RYR1: variants seen among roughly 807,000 people sequenced by gnomAD.
RYR1 encodes central core disease of muscle.
RYR1 carries 342 observed loss-of-function variants against 583.5 expected under a neutral mutation model. The observed-to-expected ratio is 0.59, with a 90% CI of 0.54 to 0.64. The LOEUF (loss-of-function observed/expected upper bound fraction) is 0.64, where lower values mean the gene tolerates loss of function less well. RYR1 is among the 30% of genes least tolerant of loss of function. The probability of loss-of-function intolerance (pLI) is 0.00; values close to 1 mark genes in which losing one functional copy is unlikely to be tolerated. For synonymous variants in RYR1, 2,791 were observed against 2,822.5 expected, an observed-to-expected ratio of 0.99 and a Z score of 0.35; for missense variants, 6,032 against 6,917.2, an observed-to-expected ratio of 0.87 and a Z score of 4.54.
rs1196085327 is a variant in RYR1 at position 38,580,355 on chromosome 19, C to G, written c.14512-15C>G. On this transcript the variant is annotated splice_polypyrimidine_tract_variant and intron_variant, in intron 100 of 105. Coordinates refer to ENST00000359596, the MANE Select transcript of RYR1 (RefSeq NM_000540.3). Reference sequence around the variant, plus strand: ...AGCCCAGGGCGGAGCTGACCTGGCCCCATCCTGCCCCCAGCTGGTGATGAC... The same window carrying G: ...AGCCCAGGGCGGAGCTGACCTGGCCGCATCCTGCCCCCAGCTGGTGATGAC... 1 of 1,613,564 alleles carries G rather than the reference C, an allele frequency of 6.2e-7. No homozygotes were observed. Among genetic ancestry groups the G allele is most frequent in the Non-Finnish European group, 8.5e-7 (1 of 1,179,944 alleles).
intron 28 of RYR1, 97 bp from the exon 29 acceptor site, chr19:38,475,221 C>T: frequency 5.3e-6 from 8 of 1,497,416 alleles, no homozygotes; most frequent in East Asian, 2.5e-5. Flanking sequence ...GTATTAGAAG[C>T]AGGGTGTATC....
In RYR1 at chr19:38,473,424, G is replaced by C. The variant is rs767708802; in HGVS notation, c.3813G>C (p.Leu1271=). The C allele has an allele frequency of 1.9e-6, 3 of 1,613,886 alleles. No individual in the cohort carries two copies. In the East Asian group the frequency reaches 6.7e-5, roughly 36 times the overall value. Residue 1271 remains leucine (L), a synonymous_variant, in exon 28 of 106, where the codon CTG becomes CTC. Transcript: ENST00000359596. ...GTVDTPPCLR[L]THRTWGSQNS... Reference sequence around the variant, plus strand: ...TGGACACGCCCCCCTGCCTGCGCCTGACCCACCGCACCTGGGGCTCCCAGA... The same window carrying C: ...TGGACACGCCCCCCTGCCTGCGCCTCACCCACCGCACCTGGGGCTCCCAGA...
At chr19:38,439,901 A>C (rs1470892035) in intron 1 of RYR1, among the ~76,000 whole-genome samples, 1 of 152,224 alleles carries the variant, frequency 6.6e-6, no homozygotes, top group Non-Finnish European at 1.5e-5. Context: ...TAAAGATAAA[A>C]TAGCAGTCTA....
chr19:38,523,024 C>T lies in RYR1; in HGVS notation c.10260-4C>T, dbSNP rs1376923808. ...CTCCCTCACCTCCCCTCCGCTGACC[C>T]CAGGGCGCAGTGGCTGACGGAGCCG... On this transcript the variant is annotated splice_polypyrimidine_tract_variant and splice_region_variant and intron_variant, in intron 67 of 105. Coordinates refer to ENST00000359596, the MANE Select transcript of RYR1 (RefSeq NM_000540.3). 1 of 1,589,198 alleles carries T rather than the reference C, an allele frequency of 6.3e-7. No individual in the cohort carries two copies. The highest frequency in any genetic ancestry group is 1.3e-5 in the African/African-American group (1 of 74,460).
chr19:38,499,751 G>T lies in RYR1; in HGVS notation c.7144G>T (p.Glu2382Ter). 6.2e-7 allele frequency: 1 copy of T among 1,602,058 alleles called. No individual in the cohort carries two copies. The highest frequency in any genetic ancestry group is 2.2e-5 in the East Asian group (1 of 44,786). The change falls in exon 44 of 106, where the codon GAG (glutamate) becomes TAG (stop). Residue 2382 changes from glutamate (E) to a stop codon, truncating the protein, a stop_gained. Transcript: ENST00000359596. LOFTEE classifies it high-confidence loss of function. This position sits in a 1 kb window ranked among gnomAD's most constrained non-coding sequence, Gnocchi z 7.3. ...CTCAGGGCTGCTGGCTGCCATCGAA[G>T]AGGCCATCCGCATCTCCGAGGACCC... The part of the protein sequence containing the change: ...GGSGLLAAIE[E>*]AIRISEDPAR...
At position 38,494,448 on chromosome 19, in the gene RYR1, T is replaced by A. The variant is rs1384522523; in HGVS notation, c.6371T>A (p.Leu2124Gln). 6.2e-7 allele frequency: 1 copy of A among 1,612,522 alleles called. No individual in the cohort carries two copies. The highest frequency in any genetic ancestry group is 8.5e-7 in the Non-Finnish European group (1 of 1,180,028). Residue 2124 changes from leucine (L) to glutamine (Q), a missense_variant, in exon 39 of 106, where the codon CTG becomes CAG. Leu to Gln is a moderately radical substitution (Grantham distance 113, BLOSUM62 -2). Coordinates refer to ENST00000359596, the MANE Select transcript of RYR1 (RefSeq NM_000540.3). ...PELVRAMFSL[L>Q]HRQYDGLGEL... ...CTGGTGCGGGCCATGTTCAGCCTCCTGCACCGGCAGTACGACGGGCTGGGT... is the reference window on the plus strand; with the variant it reads ...CTGGTGCGGGCCATGTTCAGCCTCCAGCACCGGCAGTACGACGGGCTGGGT...
In RYR1 at chr19:38,561,446, A is replaced by G. The variant is rs1253965850; in HGVS notation, c.12616A>G (p.Met4206Val). 1 of 1,607,748 alleles carries G rather than the reference A, an allele frequency of 6.2e-7. No individual in the cohort carries two copies. The highest frequency in any genetic ancestry group is 8.5e-7 in the Non-Finnish European group (1 of 1,178,680). The stretch of plus-strand genomic sequence containing the variant: ...AGAGACCAACCGCGCCCAGTGGGAG[A>G]TGCCCCAGGTCAGGGAACCCGCGCG... ...ISETNRAQWE[M>V]PQVKESKRQF... The change falls in exon 90 of 106, where the codon ATG becomes GTG. Residue 4206 changes from methionine (M) to valine (V), a missense_variant. Coordinates refer to ENST00000359596, the MANE Select transcript of RYR1 (RefSeq NM_000540.3). This position sits in a 1 kb window ranked among gnomAD's most constrained non-coding sequence, Gnocchi z 4.8.
At position 38,444,235 on chromosome 19, in the gene RYR1, G is replaced by C; in HGVS notation, c.511G>C (p.Val171Leu). 1.2e-6 allele frequency: 2 copies of C among 1,614,050 alleles called. No homozygotes were observed. The highest frequency in any genetic ancestry group is 1.7e-6 in the Non-Finnish European group (2 of 1,179,926). Residue 171 changes from valine (V) to leucine (L), a missense_variant, in exon 6 of 106, where the codon GTC (valine) becomes CTC (leucine). By Grantham distance (32) the Val-to-Leu change is conservative (BLOSUM62 1). Transcript: ENST00000359596. This position sits in a 1 kb window ranked among gnomAD's most constrained non-coding sequence, Gnocchi z 5.1. ...CCGCGTTGGGGATGACATCATCCTT[G>C]TCAGTGTCTCCTCCGAGCGCTACCT... ...KVRVGDDIIL[V>L]SVSSERYLHL...
chr19:38,515,240 TC>T, intron 64 of RYR1, 133 bp downstream of exon 64: 2 of 762,088 alleles, frequency 2.6e-6, no homozygotes, highest in Non-Finnish European at 4.4e-6. Flanking sequence ...CAGCCGCGGT[TC>T]CCCACGGCGG....
intron 22 of RYR1, among the ~76,000 whole-genome samples, chr19:38,464,309 A>G (rs1395860778): frequency 7.9e-6 from 1 of 127,054 alleles, no homozygotes; most frequent in African/African-American, 3.0e-5. Flanking sequence ...AAAAAAAAAA[A>G]GAAGCAAACG....
At chr19:38,539,582 G>A (rs1972118296) in intron 84 of RYR1, among the ~76,000 whole-genome samples, 1 of 152,132 alleles carries the variant, frequency 6.6e-6, no homozygotes, top group Admixed American at 6.6e-5. Flanking sequence ...GATGGAATCA[G>A]TCTTTGGGTT....
In RYR1 at chr19:38,587,483, G is replaced by C; in HGVS notation, c.*63G>C. 8.2e-7 allele frequency: 1 copy of C among 1,212,154 alleles called. No homozygotes were observed. The highest frequency in any genetic ancestry group is 1.2e-5 in the South Asian group (1 of 82,510). 75.1% of individuals were successfully genotyped at this position (1,212,154 alleles called of 1,614,324 possible). ...CCTTATTCTCACAGCAAGCCCCTTAGTCCCCAAGCCCCTCCCCCTAAGGCA... is the reference window on the plus strand; with the variant it reads ...CCTTATTCTCACAGCAAGCCCCTTACTCCCCAAGCCCCTCCCCCTAAGGCA... On this transcript the variant is annotated 3_prime_UTR_variant, in exon 106 of 106. Transcript: ENST00000359596.
In RYR1 at chr19:38,565,709, G is replaced by T; in HGVS notation, c.13375G>T (p.Asp4459Tyr). 7.0e-7 allele frequency: 1 copy of T among 1,427,120 alleles called. No individual in the cohort carries two copies. Among genetic ancestry groups the T allele is most frequent in the Non-Finnish European group, 9.1e-7 (1 of 1,098,804 alleles). 88.4% of individuals were successfully genotyped at this position (1,427,120 alleles called of 1,614,324 possible). ...EGAGGLGDMG[D>Y]TTPAEPPTPE... Reference sequence around the variant, plus strand: ...GGCTGGCGGTCTCGGGGACATGGGGGACACGACGCCTGCGGAACCGCCCAC... The same window carrying T: ...GGCTGGCGGTCTCGGGGACATGGGGTACACGACGCCTGCGGAACCGCCCAC... Residue 4459 changes from aspartate to tyrosine, a missense_variant, in exon 91 of 106, where the codon GAC (aspartate) becomes TAC (tyrosine). Physicochemically the swap from Asp to Tyr is radical, Grantham distance 160. Around this residue, in one of 11 missense-constraint regions of RYR1, gnomAD observed 753 missense variants for 759.6 expected, o/e 0.99. Transcript: ENST00000359596. This position sits in a 1 kb window ranked among gnomAD's most constrained non-coding sequence, Gnocchi z 4.7.
At chr19:38,567,954 C>T (rs766985165) in intron 93 of RYR1, 37 bp downstream of exon 93, 2 of 1,609,596 alleles carry the variant, frequency 1.2e-6, no homozygotes, top group Non-Finnish European at 1.7e-6. Flanking sequence ...CCTTCTTCTC[C>T]CCGGGAGCCC....
intron 63 of RYR1, among the ~76,000 whole-genome samples, chr19:38,513,124 G>A (rs1456372085): frequency 1.3e-5 from 2 of 152,034 alleles, no homozygotes; most frequent in Non-Finnish European, 2.9e-5. Flanking sequence ...GATCACCTGA[G>A]CTCAGGAGTT....
At chr19:38,490,033 G>T (rs986661074) in intron 35 of RYR1, 43 bp from the exon 36 acceptor site, 35 of 1,598,002 alleles carry the variant, frequency 2.2e-5, no homozygotes, top group Admixed American at 1.0e-4. Flanking sequence ...AGTCCTGATG[G>T]TCTCACCTCC....
In RYR1 at chr19:38,496,901, G is replaced by T. The variant is rs193922797; in HGVS notation, c.6838G>T (p.Val2280Phe). 6 of 1,613,396 alleles carry T rather than the reference G, an allele frequency of 3.7e-6. No individual in the cohort carries two copies. Among genetic ancestry groups the T allele is most frequent in the Middle Eastern group, 1.6e-4 (1 of 6,084 alleles). The change falls in exon 42 of 106, where the codon GTC (valine) becomes TTC (phenylalanine). Residue 2280 changes from valine to phenylalanine, a missense_variant. Transcript: ENST00000359596. This position sits in a 1 kb window ranked among gnomAD's most constrained non-coding sequence, Gnocchi z 4.8. The part of the protein sequence containing the change: ...STPLDVAAAS[V>F]IDNNELALAL... Reference sequence around the variant, plus strand: ...GCCCCTGGACGTGGCTGCTGCCTCCGTCATTGACAACAATGAGCTGGCCTT... The same window carrying T: ...GCCCCTGGACGTGGCTGCTGCCTCCTTCATTGACAACAATGAGCTGGCCTT...
intron 5 of RYR1, 88 bp downstream of exon 5, chr19:38,443,884 A>C: frequency 8.1e-7 from 1 of 1,236,288 alleles, no homozygotes; most frequent in Non-Finnish European, 1.2e-6. Context: ...CAAGGCAAGC[A>C]TGAGACTACC....
At chr19:38,497,025 C>G in intron 42 of RYR1, 71 bp downstream of exon 42, 6 of 1,291,926 alleles carry the variant, frequency 4.6e-6, no homozygotes, top group Non-Finnish European at 6.7e-6. Context: ...CTTGGGACAC[C>G]TGCTGATTCC....
Sources: allele counts gnomAD v4.1 joint callset (sites outside exome capture counted in the v4.1 genomes callset), GRCh38; gene constraint gnomAD v4.1.1; regional missense constraint gnomAD v4.1.1; non-coding constraint Gnocchi (gnomAD v3.1); transcripts MANE v1.5; gene names NCBI Gene and HGNC (gene_info 2026-07-23, HGNC 2026-07-21).